MGME1: variants seen among roughly 807,000 people sequenced by gnomAD.
MGME1 encodes mitochondrial genome maintenance exonuclease 1.
In MGME1, 22 loss-of-function variants were observed where a neutral mutation model predicts 33.0. The ratio of observed to expected loss-of-function variants is 0.67; its 90% CI spans 0.48 to 0.95. The LOEUF (loss-of-function observed/expected upper bound fraction) is 0.95, where lower values mean the gene tolerates loss of function less well. MGME1 is among the 40% of genes least tolerant of loss of function. The probability of loss-of-function intolerance (pLI) is 0.00; values close to 1 mark genes in which losing one functional copy is unlikely to be tolerated. For synonymous variants in MGME1, 133 were observed against 144.0 expected, an observed-to-expected ratio of 0.92 and a Z score of 0.55; for missense variants, 383 against 397.8, an observed-to-expected ratio of 0.96 and a Z score of 0.32.
At chr20:17,977,425 G>A (rs565858563) in intron 3 of MGME1, among the ~76,000 whole-genome samples, 1 of 151,934 alleles carries the variant, frequency 6.6e-6, no homozygotes, top group African/African-American at 2.4e-5. Context: ...GGATGAGTCT[G>A]CAGTGCAAAG....
chr20:17,989,209 A>G (rs541617149), intron 4 of MGME1, among the ~76,000 whole-genome samples: 1 of 151,996 alleles, frequency 6.6e-6, no homozygotes, highest in African/African-American at 2.4e-5. Flanking sequence ...GACATGGCGA[A>G]ACCCTGTCTC....
At chr20:17,980,214 C>T (rs903847660) in intron 3 of MGME1, among the ~76,000 whole-genome samples, 3 of 151,598 alleles carry the variant, frequency 2.0e-5, no homozygotes, top group Non-Finnish European at 2.9e-5. Context: ...TTCATAGAGA[C>T]GGGGTTTCAC....
chr20:17,978,939 G>A, intron 3 of MGME1, among the ~76,000 whole-genome samples: 1 of 151,790 alleles, frequency 6.6e-6, no homozygotes, highest in East Asian at 1.9e-4. Context: ...ACCACGCCTG[G>A]CTAATTTTTT....
chr20:17,979,305 C>G (rs6034932), intron 3 of MGME1, among the ~76,000 whole-genome samples: 2 of 152,126 alleles, frequency 1.3e-5, no homozygotes. Context: ...TCTAGAATTC[C>G]TGAACTCAAG....
chr20:17,968,684 G>A (rs1039196335), upstream of MGME1: 4 of 566,842 alleles, frequency 7.1e-6, no homozygotes, highest in Non-Finnish European at 1.3e-5. Context: ...GGGCAAAGAC[G>A]CCACGTGGGG....
At chr20:17,975,430 G>A (rs900487652) in intron 2 of MGME1, among the ~76,000 whole-genome samples, 16 of 151,696 alleles carry the variant, frequency 1.1e-4, no homozygotes, top group Admixed American at 5.9e-4. Context: ...GGTGGCGGGC[G>A]CCTGTAATCC....
intron 3 of MGME1, among the ~76,000 whole-genome samples, chr20:17,981,645 ACTCGTGT>A (rs1412059286): frequency 8.7e-6 from 1 of 114,696 alleles, no homozygotes; most frequent in Non-Finnish European, 1.7e-5. Flanking sequence ...CCAATCTACT[ACTCGTGT>A]GTGTGTGTGT....
At chr20:17,974,061 G>GTTTTTTTTT (rs34206000) in intron 2 of MGME1, among the ~76,000 whole-genome samples, 3 of 85,496 alleles carry the variant, frequency 3.5e-5, no homozygotes, top group East Asian at 3.7e-4. Context: ...CTCTTTGTGT[G>GTTTTTTTTT]TTTTTTTTTT....
chr20:17,976,278 C>T (rs987501680), intron 3 of MGME1, among the ~76,000 whole-genome samples: 51 of 152,100 alleles, frequency 3.4e-4, no homozygotes, highest in Admixed American at 1.4e-3. Context: ...CATGCACCAC[C>T]GCACCTGGCT....
At chr20:17,970,918 A>G (rs957184620) in intron 2 of MGME1, among the ~76,000 whole-genome samples, 2 of 152,242 alleles carry the variant, frequency 1.3e-5, no homozygotes, top group Non-Finnish European at 2.9e-5. Flanking sequence ...CTAATTTACT[A>G]ACTTGGACAA....
rs2036265822 is a variant in MGME1 at position 17,990,337 on chromosome 20, C to T, written c.*228C>T. 2.2e-6 allele frequency: 1 copy of T among 463,028 alleles called. No individual in the cohort carries two copies. Among genetic ancestry groups the T allele is most frequent in the Non-Finnish European group, 3.9e-6 (1 of 255,856 alleles). The allele number at this position is 463,028 out of a possible 1,614,324, so 28.7% of individuals were successfully genotyped here. On this transcript the variant is annotated 3_prime_UTR_variant, in exon 5 of 5. Transcript: ENST00000377710. ...ACGCGAAATCCCAGCTATGCTACCTCTTATTTACCTGAAAGGAGGACACGC... is the reference window on the plus strand; with the variant it reads ...ACGCGAAATCCCAGCTATGCTACCTTTTATTTACCTGAAAGGAGGACACGC...
chr20:17,977,906 A>AC (rs1465725210), intron 3 of MGME1, among the ~76,000 whole-genome samples: 8 of 152,174 alleles, frequency 5.3e-5, no homozygotes, highest in Non-Finnish European at 1.2e-4. Context: ...ACCTGCAGGT[A>AC]CCCCTAATCC....
chr20:17,985,036 CA>C (rs535060718), intron 3 of MGME1, among the ~76,000 whole-genome samples: 12,432 of 102,976 alleles, frequency 0.12, 377 homozygotes, highest in Middle Eastern at 0.14. Context: ...GACTTTGTCT[CA>C]AAAAAAAAAA....
At chr20:17,980,011 G>A (rs1462388956) in intron 3 of MGME1, among the ~76,000 whole-genome samples, 1 of 151,974 alleles carries the variant, frequency 6.6e-6, no homozygotes, top group African/African-American at 2.4e-5. Context: ...AATTACAAAC[G>A]TGAGCCCCTA....
Position 17,969,859 on chromosome 20 carries a change from AATGAAG to A in MGME1, c.7_12del (p.MetLys3_?4). On this transcript the variant is annotated start_lost and inframe_deletion, in exon 2 of 5. Transcript: ENST00000377710. ...ATAGACTAAAGTGAAAACAAATCTG[AATGAAG>A]ATGAAGTTATTTCAGACCATTTGCA... is the stretch of plus-strand genomic sequence containing the variant. 6.2e-7 allele frequency: 1 copy of A among 1,600,996 alleles called. No individual in the cohort carries two copies.
In MGME1 at chr20:17,975,753, A is replaced by G. The variant is rs772928631; in HGVS notation, c.581A>G (p.Lys194Arg). Residue 194 changes from lysine (K) to arginine (R), a missense_variant, in exon 3 of 5, where the codon AAA (lysine) becomes AGA (arginine). Coordinates refer to ENST00000377710, the MANE Select transcript of MGME1 (RefSeq NM_052865.4). ...ESILSPQETL[K>R]ERDENLLKSG... ...ATACTTTCACCCCAGGAAACCTTAA[A>G]AGAGAGAGATGAAAATCTCCTCAAG... is the stretch of plus-strand genomic sequence containing the variant. 5.6e-6 allele frequency: 9 copies of G among 1,614,050 alleles called. No homozygotes were observed. The Admixed American group carries it at 1.0e-4, about 18-fold the overall frequency.
chr20:17,984,454 G>A (rs545159800), intron 3 of MGME1, among the ~76,000 whole-genome samples: 22 of 152,128 alleles, frequency 1.4e-4, no homozygotes, highest in Admixed American at 3.3e-4. Context: ...ACTCGTGTTC[G>A]TGGTTATGCT....
Position 17,970,383 on chromosome 20 carries a change from A to G in MGME1, c.511+13A>G, listed in dbSNP as rs749995159. The G allele has an allele frequency of 2.5e-6, 4 of 1,592,552 alleles. No individual in the cohort carries two copies. In the Admixed American group the frequency reaches 6.9e-5, roughly 28 times the overall value. On this transcript the variant is annotated intron_variant, in intron 2 of 4. Coordinates refer to ENST00000377710, the MANE Select transcript of MGME1 (RefSeq NM_052865.4). The stretch of plus-strand genomic sequence containing the variant: ...GAATACACTTCAAGTAATTATCTCA[A>G]TTCTGATTCTATATGTTTGCTATGT...
At chr20:17,968,626 C>T (rs1459102793), upstream of MGME1, 2 of 624,338 alleles carry the variant, frequency 3.2e-6, no homozygotes, top group Non-Finnish European at 5.8e-6. Flanking sequence ...GCGCCACGTG[C>T]TCCCCCAGAG....
Sources: allele counts gnomAD v4.1 joint callset (sites outside exome capture counted in the v4.1 genomes callset), GRCh38; gene constraint gnomAD v4.1.1; transcripts MANE v1.5; gene names NCBI Gene and HGNC (gene_info 2026-07-23, HGNC 2026-07-21).